The following CDK14 variants were observed in gnomAD, a reference collection of about 807,000 sequenced individuals.
CDK14 encodes cyclin dependent kinase 14, also known as cyclin-dependent kinase 14.
CDK14 carries 34 observed loss-of-function variants against 60.7 expected under a neutral mutation model. That is an observed-to-expected ratio of 0.56 (90% CI 0.43 to 0.75). The LOEUF (loss-of-function observed/expected upper bound fraction) is 0.75, where lower values mean the gene tolerates loss of function less well. CDK14 is among the 30% of genes least tolerant of loss of function. The pLI, the probability that CDK14 is intolerant of heterozygous loss-of-function variation, is 0.00. For synonymous variants in CDK14, 197 were observed against 203.7 expected, an observed-to-expected ratio of 0.97 and a Z score of 0.28; for missense variants, 482 against 564.1, an observed-to-expected ratio of 0.85 and a Z score of 1.47.
chr7:90,785,799 AAAAAAAAG>A (rs1402822588), intron 4 of CDK14, among the ~76,000 whole-genome samples: 3 of 149,204 alleles, frequency 2.0e-5, no homozygotes, highest in Admixed American at 6.8e-5. Context: ...AAAAAAAAAA[AAAAAAAAG>A]AGAAAACTTC....
At chr7:90,934,706 T>C (rs1309104364) in intron 8 of CDK14, among the ~76,000 whole-genome samples, 1 of 152,238 alleles carries the variant, frequency 6.6e-6, no homozygotes, top group African/African-American at 2.4e-5. Context: ...TTTTAATGTT[T>C]TTAAATGTTC....
chr7:91,185,559 C>T (rs752093757), intron 14 of CDK14, among the ~76,000 whole-genome samples: 1 of 151,882 alleles, frequency 6.6e-6, no homozygotes, highest in East Asian at 1.9e-4. Flanking sequence ...TTGTCATTGC[C>T]GTCATTATTA....
intron 5 of CDK14, among the ~76,000 whole-genome samples, chr7:90,792,068 AATTTTTT>A (rs1805855576): frequency 6.6e-6 from 1 of 151,492 alleles, no homozygotes. Context: ...ACGCCTGGCT[AATTTTTT>A]ATTTTTAGTA....
chr7:91,137,615 TGCACACACACAC>T (rs1028561996), intron 14 of CDK14, among the ~76,000 whole-genome samples: 12 of 152,048 alleles, frequency 7.9e-5, no homozygotes, highest in Non-Finnish European at 1.5e-4. Context: ...ACATGCACTG[TGCACACACACAC>T]GCACACACAC....
intron 2 of CDK14, among the ~76,000 whole-genome samples, chr7:90,725,782 C>T (rs1802613337): frequency 6.6e-6 from 1 of 151,362 alleles, no homozygotes; most frequent in Non-Finnish European, 1.5e-5. Flanking sequence ...AAGTAAAAAG[C>T]AAGGAGCAAA....
intron 10 of CDK14, among the ~76,000 whole-genome samples, chr7:91,034,536 G>A (rs1158040436): frequency 6.6e-6 from 1 of 151,994 alleles, no homozygotes; most frequent in Non-Finnish European, 1.5e-5. Context: ...CCTTTGCAAT[G>A]TTGAAAACTC....
intron 8 of CDK14, among the ~76,000 whole-genome samples, chr7:90,943,730 A>G (rs4728948): frequency 0.034 from 5,109 of 152,304 alleles, 125 homozygotes; most frequent in South Asian, 0.11. Flanking sequence ...ACGTGATTCA[A>G]CTTTACTCAT....
chr7:90,717,372 C>G (rs1028540686), intron 2 of CDK14, among the ~76,000 whole-genome samples: 1 of 152,012 alleles, frequency 6.6e-6, no homozygotes, highest in Non-Finnish European at 1.5e-5. Context: ...ATTAGCAAAA[C>G]AGTTATCAAG....
chr7:91,151,208 A>G lies in CDK14; in HGVS notation c.*28+33000A>G, dbSNP rs114522316. Among the ~76,000 whole-genome samples the G allele has an allele frequency of 4.1e-3, 630 of 152,216 alleles. 4 individuals are homozygous for G. The highest frequency in any genetic ancestry group is 0.014 in the African/African-American group (599 of 41,538). ...CACACCCCAGTCTTTAGGCTGTCTC[A>G]TAATTTGGGACTGAGAACTCAAAAG... On this transcript the variant is annotated intron_variant, in intron 14 of 14. Transcript: ENST00000380050.
chr7:90,809,238 A>G (rs1175833079), intron 5 of CDK14, among the ~76,000 whole-genome samples: 1 of 152,214 alleles, frequency 6.6e-6, no homozygotes, highest in Non-Finnish European at 1.5e-5. Flanking sequence ...TCCCCTTAGC[A>G]ACTGTAGAAG....
rs553263670 is a variant in CDK14, at chr7:91,118,002, A to T, written c.1295-63A>T. ...TGCATCTCAGTCTCCATTTTTTTAA[A>T]AAAAAAACATGATTATAAATATCTA... On this transcript the variant is annotated intron_variant, in intron 13 of 14. Transcript: ENST00000380050. 1.1e-5 allele frequency: 11 copies of T among 973,244 alleles called. No homozygotes were observed. The Admixed American group carries it at 1.4e-4, about 12-fold the overall frequency. 60.3% of individuals were successfully genotyped at this position (973,244 alleles called of 1,614,324 possible). A position where few individuals can be genotyped will look rare whatever the true frequency, so the allele number is the denominator to read the frequency against.
intron 6 of CDK14, among the ~76,000 whole-genome samples, chr7:90,874,685 T>C (rs4015337): frequency 0.69 from 101,324 of 147,640 alleles, 35,067 homozygotes; most frequent in East Asian, 0.91. Flanking sequence ...CCCGCCACCG[T>C]GCCCGGCTAA....
rs75106259 is a variant in CDK14, at chr7:90,965,446, T to C, written c.947+9629T>C. 2.2e-4 allele frequency among the ~76,000 whole-genome samples: 34 copies of C among 152,320 alleles called. 1 individual carries two copies. The East Asian group carries it at 6.2e-3, about 28-fold the overall frequency. On this transcript the variant is annotated intron_variant, in intron 9 of 14. Coordinates refer to ENST00000380050, the MANE Select transcript of CDK14 (RefSeq NM_001287135.2). The stretch of plus-strand genomic sequence containing the variant: ...TACAACTTCTTTGGGGAAGCTTCTC[T>C]CCCATAGCACTAGTTGTCAGTAGAC...
chr7:91,044,263 G>A (rs1562880557), intron 10 of CDK14, among the ~76,000 whole-genome samples: 1 of 152,196 alleles, frequency 6.6e-6, no homozygotes, highest in Admixed American at 6.5e-5. Context: ...TAGGTCATAG[G>A]TGGATTCAAG....
At chr7:90,723,326 C>T (rs751997689) in intron 2 of CDK14, among the ~76,000 whole-genome samples, 1 of 152,118 alleles carries the variant, frequency 6.6e-6, no homozygotes, top group Non-Finnish European at 1.5e-5. Context: ...TGCAGATGCT[C>T]CTTAGCTGGC....
At chr7:91,202,553 A>G (rs1802764848) in intron 14 of CDK14, among the ~76,000 whole-genome samples, 1 of 152,122 alleles carries the variant, frequency 6.6e-6, no homozygotes, top group Admixed American at 6.5e-5. Context: ...CTCTCCTTCC[A>G]CCTAAATCCC....
At chr7:90,959,202 C>T (rs17478444) in intron 9 of CDK14, among the ~76,000 whole-genome samples, 7,529 of 152,182 alleles carry the variant, frequency 0.049, 210 homozygotes, top group South Asian at 0.072. Flanking sequence ...CTTTTGTCTA[C>T]GTGCCAAGAT....
intron 3 of CDK14, among the ~76,000 whole-genome samples, chr7:90,727,039 A>C (rs1236198882): frequency 2.6e-5 from 4 of 152,182 alleles, no homozygotes; most frequent in African/African-American, 9.6e-5. Flanking sequence ...TTTTTGGAAA[A>C]ATCATTTTTC....
chr7:91,176,045 C>T (rs1260578277), intron 14 of CDK14, among the ~76,000 whole-genome samples: 1 of 152,084 alleles, frequency 6.6e-6, no homozygotes, highest in Non-Finnish European at 1.5e-5. Context: ...CCAAAATTGA[C>T]CACATACTTG....
Sources: gnomAD v4.1 joint callset for allele counts (sites outside exome capture counted in the v4.1 genomes callset) on GRCh38, gnomAD v4.1.1 for gene constraint, MANE v1.5 for transcripts, NCBI Gene and HGNC (gene_info 2026-07-23, HGNC 2026-07-21) for gene names.